The following TIGIT variants were observed in gnomAD, a reference collection of about 807,000 sequenced individuals.
TIGIT encodes the protein T-cell immunoreceptor with Ig and ITIM domains.
A neutral mutation model predicts 19.6 loss-of-function variants in TIGIT; 11 were observed. The ratio of observed to expected loss-of-function variants is 0.56; its 90% CI spans 0.35 to 0.93. TIGIT has a LOEUF of 0.93. Ranked by LOEUF, TIGIT falls within the 40% of genes least tolerant of loss-of-function variation. The probability of loss-of-function intolerance (pLI) is 0.01; values close to 1 mark genes in which losing one functional copy is unlikely to be tolerated. For missense variants in TIGIT, 295 were observed against 303.9 expected (o/e 0.97, Z 0.22); for synonymous variants, 130 against 125.5 (o/e 1.04, Z -0.24).
Position 114,309,853 on chromosome 3 carries a change from G to A in TIGIT, c.*1722G>A, listed in dbSNP as rs1343311393. ...GCAGAGGTTGGACTGAGAGTTGGGT[G>A]TTATTTAACATAATTATGGTAATTG... On this transcript the variant is annotated 3_prime_UTR_variant, in exon 4 of 4. Transcript: ENST00000383671. The A allele has an allele frequency of 6.6e-6, 1 of 152,096 alleles. No homozygotes were observed. Among genetic ancestry groups the A allele is most frequent in the African/African-American group, 2.4e-5 (1 of 41,400 alleles). The allele number at this position is 152,096 out of a possible 1,614,324, so 9.4% of individuals were successfully genotyped here.
intron 2 of TIGIT, among the ~76,000 whole-genome samples, chr3:114,299,332 A>G (rs2078474564): frequency 6.6e-6 from 1 of 152,204 alleles, no homozygotes; most frequent in Non-Finnish European, 1.5e-5. Context: ...TGATTTTGTC[A>G]AATAGAAGAA....
At chr3:114,305,860 G>GGACGGATA (rs2078530913) in intron 3 of TIGIT, among the ~76,000 whole-genome samples, 1 of 139,772 alleles carries the variant, frequency 7.2e-6, no homozygotes, top group Non-Finnish European at 1.6e-5. Flanking sequence ...GTGGATGGAT[G>GGACGGATA]GATGGATAGA....
At chr3:114,303,630 T>TATATACACATATATATGTATATATATAC (rs1281900522) in intron 3 of TIGIT, among the ~76,000 whole-genome samples, 5 of 115,894 alleles carry the variant, frequency 4.3e-5, no homozygotes, top group African/African-American at 1.3e-4. Context: ...TGTATATATA[T>TATATACACATATATATGTATATATATAC]ACACACACAC....
intron 2 of TIGIT, among the ~76,000 whole-genome samples, chr3:114,297,462 T>C (rs1359364776): frequency 6.6e-6 from 1 of 152,160 alleles, no homozygotes; most frequent in Admixed American, 6.5e-5. Context: ...GCAGGGGACC[T>C]AGATTCTGGC....
chr3:114,303,553 A>ATATATATACACATATATATG (rs2078508185), intron 3 of TIGIT, among the ~76,000 whole-genome samples: 1 of 7,758 alleles, frequency 1.3e-4, no homozygotes, highest in African/African-American at 2.2e-4. Flanking sequence ...ATATATATGT[A>ATATATATACACATATATATG]TATATATATA....
Position 114,308,277 on chromosome 3 carries a change from C to T in TIGIT, c.*146C>T. 1 of 677,762 alleles carries T rather than the reference C, an allele frequency of 1.5e-6. No homozygotes were observed. The highest frequency in any genetic ancestry group is 1.9e-5 in the South Asian group (1 of 53,028). The allele number at this position is 677,762 out of a possible 1,614,324, so 42.0% of individuals were successfully genotyped here. A position where few individuals can be genotyped will look rare whatever the true frequency, so the allele number is the denominator to read the frequency against. On this transcript the variant is annotated 3_prime_UTR_variant, in exon 4 of 4. Transcript: ENST00000383671. ...CAGTTGAGTGAATAAATGTCATCCT[C>T]TTCTCCATCTTCATTTCCTTGGCCT...
chr3:114,307,740 C>A, intron 3 of TIGIT, 155 bp from the exon 4 acceptor site: 2 of 677,714 alleles, frequency 3.0e-6, no homozygotes, highest in Non-Finnish European at 2.5e-6. Context: ...AGCTGTAACG[C>A]GGTTGAGAAA....
chr3:114,298,912 G>A (rs1175663507), intron 2 of TIGIT, among the ~76,000 whole-genome samples: 1 of 152,142 alleles, frequency 6.6e-6, no homozygotes, highest in Non-Finnish European at 1.5e-5. Context: ...TTCTTCTTGG[G>A]TCAGATCTTA....
intron 3 of TIGIT, among the ~76,000 whole-genome samples, chr3:114,305,876 A>AGATAGATAGAT (rs2078531529): frequency 7.8e-6 from 1 of 128,708 alleles, no homozygotes; most frequent in African/African-American, 2.5e-5. Context: ...ATAGATAGAT[A>AGATAGATAGAT]GATAGATAGA....
At chr3:114,300,761 G>A (rs2078487480) in intron 3 of TIGIT, among the ~76,000 whole-genome samples, 1 of 152,058 alleles carries the variant, frequency 6.6e-6, no homozygotes, top group African/African-American at 2.4e-5. Flanking sequence ...GAGAGAGAGA[G>A]AGAAATGAGG....
intron 1 of TIGIT, 86 bp downstream of exon 1, chr3:114,294,208 T>TC (rs2078439194): frequency 9.7e-7 from 1 of 1,031,852 alleles, no homozygotes; most frequent in African/African-American, 1.6e-5. Context: ...TAGGGAAGAC[T>TC]CCAAGAGCAT....
chr3:114,303,518 CACAT>C (rs1250805968), intron 3 of TIGIT, among the ~76,000 whole-genome samples: 2 of 4,932 alleles, frequency 4.1e-4, no homozygotes, highest in Non-Finnish European at 1.1e-3. Context: ...TATATATATA[CACAT>C]ATATATGTAT....
chr3:114,297,693 T>C (rs1451497787), intron 2 of TIGIT, among the ~76,000 whole-genome samples: 1 of 152,152 alleles, frequency 6.6e-6, no homozygotes, highest in Non-Finnish European at 1.5e-5. Flanking sequence ...GGTCCTGACA[T>C]GCACACTCCT....
intron 3 of TIGIT, among the ~76,000 whole-genome samples, chr3:114,302,542 T>C (rs2078499111): frequency 6.6e-6 from 1 of 152,232 alleles, no homozygotes; most frequent in Non-Finnish European, 1.5e-5. Flanking sequence ...TGGATCAGGC[T>C]TTCTTGGCTC....
intron 2 of TIGIT, among the ~76,000 whole-genome samples, chr3:114,298,341 G>A (rs547589270): frequency 1.3e-5 from 2 of 152,066 alleles, no homozygotes; most frequent in East Asian, 1.9e-4. Flanking sequence ...ATTGTATCTC[G>A]AACTTATCCT....
intron 2 of TIGIT, among the ~76,000 whole-genome samples, chr3:114,296,620 A>C (rs1012739082): frequency 2.0e-5 from 3 of 152,268 alleles, no homozygotes; most frequent in Non-Finnish European, 4.4e-5. Flanking sequence ...AAATGGTCTT[A>C]GAACAATGCC....
intron 1 of TIGIT, among the ~76,000 whole-genome samples, chr3:114,294,727 G>A (rs2078442263): frequency 6.6e-6 from 1 of 152,200 alleles, no homozygotes; most frequent in Admixed American, 6.5e-5. Flanking sequence ...GAGGTTAAGT[G>A]CTGAGAGGGT....
intron 3 of TIGIT, among the ~76,000 whole-genome samples, chr3:114,303,483 T>C (rs1360564922): frequency 7.0e-6 from 1 of 142,778 alleles, no homozygotes; most frequent in Non-Finnish European, 1.5e-5. Context: ...TGAGTAGTAT[T>C]CCATGGTGTG....
chr3:114,295,935 C>A, intron 2 of TIGIT, 61 bp downstream of exon 2: 1 of 1,330,578 alleles, frequency 7.5e-7, no homozygotes, highest in Non-Finnish European at 1.0e-6. Context: ...AAATGCAATC[C>A]TGAAACACTG....
Sources: gnomAD v4.1 joint callset for allele counts (sites outside exome capture counted in the v4.1 genomes callset) on GRCh38, gnomAD v4.1.1 for gene constraint, MANE v1.5 for transcripts, NCBI Gene and HGNC (gene_info 2026-07-23, HGNC 2026-07-21) for gene names.